The following ATP8B4 variants were observed in gnomAD, a reference collection of about 807,000 sequenced individuals.
The protein encoded by ATP8B4 is probable phospholipid-transporting ATPase IM.
ATP8B4 carries 133 observed loss-of-function variants against 145.6 expected under a neutral mutation model. That is an observed-to-expected ratio of 0.91 (90% CI 0.79 to 1.05). The LOEUF (loss-of-function observed/expected upper bound fraction) is 1.05. ATP8B4 is among the 50% of genes least tolerant of loss of function. The pLI is 0.00. For synonymous variants in ATP8B4, 507 were observed against 492.9 expected (o/e 1.03, Z -0.38); for missense variants, 1,458 against 1,425.2 (o/e 1.02, Z -0.37).
Position 50,094,198 on chromosome 15 carries a change from T to C in ATP8B4, c.28+12741A>G, listed in dbSNP as rs554280064. ...GTAGGCAGCGTAAAGCAGATCACCG[T>C]CCCTGATGTGTGTGGGATTCATCCA... On this transcript the variant is annotated intron_variant, in intron 2 of 27. Transcript: ENST00000284509. Among the ~76,000 whole-genome samples, 4 of 152,118 alleles carry C rather than the reference T, an allele frequency of 2.6e-5. No individual in the cohort carries two copies. In the South Asian group the frequency reaches 6.2e-4, roughly 24 times the overall value.
chr15:50,070,514 G>T (rs1430635626), intron 3 of ATP8B4, among the ~76,000 whole-genome samples: 1 of 152,180 alleles, frequency 6.6e-6, no homozygotes, highest in African/African-American at 2.4e-5. Flanking sequence ...CCTTTTGGGT[G>T]TTCCCAAACC....
chr15:49,878,033 G>A (rs916035809), intron 24 of ATP8B4, among the ~76,000 whole-genome samples: 4 of 152,134 alleles, frequency 2.6e-5, no homozygotes, highest in African/African-American at 2.4e-5. Context: ...AGCATTCCAC[G>A]ATCCTGTGAT....
intron 10 of ATP8B4, among the ~76,000 whole-genome samples, chr15:49,983,627 A>G (rs1458138940): frequency 6.6e-6 from 1 of 152,170 alleles, no homozygotes; most frequent in African/African-American, 2.4e-5. Context: ...ATTTACAAAC[A>G]TTACAAACAG....
chr15:49,934,715 G>T (rs2041589357), intron 14 of ATP8B4, among the ~76,000 whole-genome samples: 1 of 152,048 alleles, frequency 6.6e-6, no homozygotes, highest in South Asian at 2.1e-4. Flanking sequence ...ACACCATATT[G>T]TCTTTCTACA....
intron 6 of ATP8B4, among the ~76,000 whole-genome samples, chr15:50,035,593 G>T (rs908533167): frequency 6.6e-6 from 1 of 152,122 alleles, no homozygotes; most frequent in Non-Finnish European, 1.5e-5. Context: ...AGACTTAAGT[G>T]TGGGAGCACT....
chr15:50,081,633 G>T (rs1461548970), intron 2 of ATP8B4, among the ~76,000 whole-genome samples: 2 of 152,116 alleles, frequency 1.3e-5, no homozygotes, highest in African/African-American at 4.8e-5. Flanking sequence ...CTAAAAATCA[G>T]TTTGTGAACA....
intron 23 of ATP8B4, among the ~76,000 whole-genome samples, chr15:49,890,440 A>T (rs1241321117): frequency 6.6e-6 from 1 of 152,150 alleles, no homozygotes; most frequent in Non-Finnish European, 1.5e-5. Flanking sequence ...GAGTGGGAAG[A>T]CCTCAGACAG....
chr15:50,003,919 C>T (rs1272655280), intron 7 of ATP8B4, among the ~76,000 whole-genome samples: 2 of 152,124 alleles, frequency 1.3e-5, no homozygotes, highest in Non-Finnish European at 2.9e-5. Context: ...TGCCATCTGG[C>T]GGTCAGATTC....
At position 49,913,343 on chromosome 15, in the gene ATP8B4, C is replaced by T. The variant is rs1599095672; in HGVS notation, c.2141+3591G>A. On this transcript the variant is annotated intron_variant, in intron 20 of 27. Coordinates refer to ENST00000284509, the MANE Select transcript of ATP8B4 (RefSeq NM_024837.4). ...AATTCAACATCCCTTCATAAAAACT[C>T]TCAACAAACTAGGTGTAGATGGAAC... is the stretch of plus-strand genomic sequence containing the variant. 2.6e-5 allele frequency among the ~76,000 whole-genome samples: 4 copies of T among 152,094 alleles called. No individual in the cohort carries two copies. In the East Asian group the frequency reaches 7.7e-4, roughly 29 times the overall value.
In ATP8B4 at chr15:49,963,520, A is replaced by C. The variant is rs574907876; in HGVS notation, c.1244-1500T>G. On this transcript the variant is annotated intron_variant, in intron 13 of 27. Coordinates refer to ENST00000284509, the MANE Select transcript of ATP8B4 (RefSeq NM_024837.4). ...ACACGGAATTAGCCTAATGCCCATC[A>C]GTGATAGACTGGGTAAAGAAAATGT... is the stretch of plus-strand genomic sequence containing the variant. Among the ~76,000 whole-genome samples, 8 of 152,346 alleles carry C rather than the reference A, an allele frequency of 5.3e-5. No homozygotes were observed. In the South Asian group the frequency reaches 1.7e-3, roughly 32 times the overall value.
intron 6 of ATP8B4, among the ~76,000 whole-genome samples, chr15:50,025,808 A>G (rs2049965160): frequency 1.3e-5 from 2 of 152,384 alleles, no homozygotes; most frequent in South Asian, 4.1e-4. Flanking sequence ...TTTGCAGAAT[A>G]TAGCTCAATG....
At chr15:50,142,996 G>C (rs143363509) in intron 1 of ATP8B4, among the ~76,000 whole-genome samples, 1 of 152,220 alleles carries the variant, frequency 6.6e-6, no homozygotes, top group African/African-American at 2.4e-5. Context: ...TAAATGCTTA[G>C]CTTAGGAGAG....
rs2031060053 is a variant in ATP8B4 at position 49,858,369 on chromosome 15, A to T, written c.*1825T>A. On this transcript the variant is annotated 3_prime_UTR_variant, in exon 28 of 28. Coordinates refer to ENST00000284509, the MANE Select transcript of ATP8B4 (RefSeq NM_024837.4). ...AACATCTGGTTAAGTGTAGGCAGGC[A>T]TGTAAGGGAAAGACAACGTCCATAG... 6.6e-6 allele frequency: 1 copy of T among 152,252 alleles called. No homozygotes were observed. Among genetic ancestry groups the T allele is most frequent in the Non-Finnish European group, 1.5e-5 (1 of 68,038 alleles). 9.4% of individuals were successfully genotyped at this position (152,252 alleles called of 1,614,324 possible).
At chr15:49,927,246 G>A (rs951515075) in intron 16 of ATP8B4, among the ~76,000 whole-genome samples, 3 of 151,998 alleles carry the variant, frequency 2.0e-5, no homozygotes, top group Admixed American at 1.3e-4. Context: ...CAGAATGAAA[G>A]TACTACTGGT....
intron 12 of ATP8B4, among the ~76,000 whole-genome samples, chr15:49,973,719 G>C (rs2045394266): frequency 6.6e-6 from 1 of 151,956 alleles, no homozygotes; most frequent in Non-Finnish European, 1.5e-5. Flanking sequence ...AATTTTTATG[G>C]CAAAGTGTAT....
intron 17 of ATP8B4, chr15:49,922,322 T>C: frequency 5.2e-6 from 2 of 388,290 alleles, no homozygotes; most frequent in Non-Finnish European, 5.0e-6. Flanking sequence ...AGGGCCTTGG[T>C]GTTTGAGTAA....
At chr15:50,062,664 C>T (rs1412068443) in intron 3 of ATP8B4, among the ~76,000 whole-genome samples, 5 of 152,054 alleles carry the variant, frequency 3.3e-5, no homozygotes, top group African/African-American at 4.8e-5. Context: ...CAGTACATAA[C>T]CTATAGAACT....
intron 3 of ATP8B4, among the ~76,000 whole-genome samples, chr15:50,055,738 G>A (rs2052546081): frequency 6.6e-6 from 1 of 152,070 alleles, no homozygotes; most frequent in Non-Finnish European, 1.5e-5. Context: ...TTATCTCTAA[G>A]CCATAAAATA....
At chr15:50,050,797 T>C (rs1170548751) in intron 3 of ATP8B4, among the ~76,000 whole-genome samples, 1 of 150,628 alleles carries the variant, frequency 6.6e-6, no homozygotes, top group African/African-American at 2.5e-5. Context: ...CATGTAACTA[T>C]ATTATTTGAG....
Sources: allele counts gnomAD v4.1 joint callset (sites outside exome capture counted in the v4.1 genomes callset), GRCh38; gene constraint gnomAD v4.1.1; transcripts MANE v1.5; gene names NCBI Gene and HGNC (gene_info 2026-07-23, HGNC 2026-07-21).